NHSL1: variants seen among roughly 807,000 people sequenced by gnomAD.
The protein encoded by NHSL1 is NHS-like protein 1.
A neutral mutation model predicts 95.0 loss-of-function variants in NHSL1; 48 were observed. The observed-to-expected ratio is 0.51, with a 90% CI of 0.40 to 0.64. The LOEUF (loss-of-function observed/expected upper bound fraction) is 0.64. NHSL1 is among the 30% of genes least tolerant of loss of function. The pLI is 0.00. For synonymous variants in NHSL1, 783 were observed against 833.9 expected (o/e 0.94, Z 1.05); for missense variants, 1,971 against 2,077.7 (o/e 0.95, Z 1.00).
chr6:138,547,329 T>A (rs1434124716), upstream of NHSL1, among the ~76,000 whole-genome samples: 3 of 146,644 alleles, frequency 2.0e-5, no homozygotes, highest in Non-Finnish European at 3.0e-5. Flanking sequence ...TAGTTAGGAT[T>A]AAAAAAAAAA....
rs957478509 is a variant in NHSL1, at chr6:138,463,984, C to T, written c.339+9322G>A. On this transcript the variant is annotated intron_variant, in intron 3 of 7. Transcript: ENST00000343505. Reference sequence around the variant, plus strand: ...TCCTTCAACAGAAGTGGCTTTGGTTCACTTGATGGCTTCTCAGGACTTAGA... The same window carrying T: ...TCCTTCAACAGAAGTGGCTTTGGTTTACTTGATGGCTTCTCAGGACTTAGA... 6.2e-5 allele frequency: 16 copies of T among 256,622 alleles called. No homozygotes were observed. In the Admixed American group the frequency reaches 6.9e-4, roughly 11 times the overall value. The allele number at this position is 256,622 out of a possible 1,614,324, so 15.9% of individuals were successfully genotyped here.
intron 1 of NHSL1, among the ~76,000 whole-genome samples, chr6:138,630,257 C>G (rs1035270934): frequency 3.2e-4 from 48 of 152,034 alleles, no homozygotes; most frequent in African/African-American, 1.1e-3. Context: ...GCCTTGTAAA[C>G]TACATACGTT....
chr6:138,521,713 T>C (rs565889792), intron 1 of NHSL1, among the ~76,000 whole-genome samples: 35 of 152,142 alleles, frequency 2.3e-4, no homozygotes, highest in African/African-American at 8.0e-4. Flanking sequence ...GGTGGTGCTA[T>C]TTATTGGGGA....
chr6:138,582,218 A>C (rs1406542201), intron 1 of NHSL1, among the ~76,000 whole-genome samples: 3 of 152,118 alleles, frequency 2.0e-5, no homozygotes, highest in Non-Finnish European at 4.4e-5. Context: ...TAATTTAAAG[A>C]GCAGTTTTTA....
chr6:138,606,431 A>T (rs750362818), intron 1 of NHSL1, among the ~76,000 whole-genome samples: 1 of 152,264 alleles, frequency 6.6e-6, no homozygotes, highest in Non-Finnish European at 1.5e-5. Context: ...TTACAGAATC[A>T]GCAGCAGCTT....
chr6:138,538,121 C>CT (rs1301273359), intron 1 of NHSL1, among the ~76,000 whole-genome samples: 1 of 152,160 alleles, frequency 6.6e-6, no homozygotes, highest in Non-Finnish European at 1.5e-5. Context: ...ATATTGATCT[C>CT]TTTTGCATAA....
At chr6:138,572,056 C>T (rs1193367961) in exon 1 of NHSL1, 19 of 631,266 alleles carry the variant, frequency 3.0e-5, no homozygotes, top group Non-Finnish European at 5.1e-5. Context: ...TCCAAAAAGA[C>T]GGCTTCTGTG....
chr6:138,482,602 T>C (rs1247165319), intron 2 of NHSL1, among the ~76,000 whole-genome samples: 1 of 152,208 alleles, frequency 6.6e-6, no homozygotes, highest in Non-Finnish European at 1.5e-5. Flanking sequence ...GCCATTTTTT[T>C]CTAAACCTCT....
chr6:138,524,209 G>A (rs1487485659), intron 1 of NHSL1, among the ~76,000 whole-genome samples: 2 of 152,166 alleles, frequency 1.3e-5, no homozygotes, highest in Non-Finnish European at 2.9e-5. Context: ...CAAAACAGGG[G>A]TACTGAAAGC....
chr6:138,457,535 T>A (rs943152414), intron 3 of NHSL1, among the ~76,000 whole-genome samples: 2 of 152,214 alleles, frequency 1.3e-5, no homozygotes, highest in African/African-American at 4.8e-5. Flanking sequence ...CTTAAGCACA[T>A]AATGGATTTT....
chr6:138,452,614 A>G (rs1446028139), intron 3 of NHSL1, among the ~76,000 whole-genome samples: 1 of 152,226 alleles, frequency 6.6e-6, no homozygotes, highest in Non-Finnish European at 1.5e-5. Flanking sequence ...AGACAGCCAC[A>G]TACATTCCAG....
intron 1 of NHSL1, among the ~76,000 whole-genome samples, chr6:138,618,369 C>T (rs1362809472): frequency 6.6e-6 from 1 of 152,248 alleles, no homozygotes; most frequent in Non-Finnish European, 1.5e-5. Context: ...TTTAAAACCA[C>T]TGTTTTGAAT....
chr6:138,556,670 A>G (rs1041816135), intron 1 of NHSL1, among the ~76,000 whole-genome samples: 1 of 151,794 alleles, frequency 6.6e-6, no homozygotes, highest in African/African-American at 2.4e-5. Context: ...TAACAAATTC[A>G]TGGAAAACCA....
intron 1 of NHSL1, among the ~76,000 whole-genome samples, chr6:138,589,428 G>T (rs1285612909): frequency 6.6e-6 from 1 of 152,160 alleles, no homozygotes; most frequent in Non-Finnish European, 1.5e-5. Flanking sequence ...CGGGGGCCTG[G>T]CTGGCTTGTG....
At chr6:138,574,210 C>T (rs960771502), upstream of NHSL1, among the ~76,000 whole-genome samples, 1 of 152,190 alleles carries the variant, frequency 6.6e-6, no homozygotes, top group African/African-American at 2.4e-5. Flanking sequence ...GGATTACAGG[C>T]GTGAGCCACC....
chr6:138,687,290 A>AG (rs1562413419), intron 1 of NHSL1, among the ~76,000 whole-genome samples: 6 of 151,976 alleles, frequency 3.9e-5, no homozygotes, highest in South Asian at 2.1e-4. Flanking sequence ...AAAAAAAAAA[A>AG]AAGAAGAAGA....
In NHSL1 at chr6:138,423,993, G is replaced by T; in HGVS notation, c.*88C>A. 1.6e-6 allele frequency: 2 copies of T among 1,245,048 alleles called. No individual in the cohort carries two copies. The highest frequency in any genetic ancestry group is 2.0e-6 in the Non-Finnish European group (2 of 984,402). The allele number at this position is 1,245,048 out of a possible 1,614,324, so 77.1% of individuals were successfully genotyped here. On this transcript the variant is annotated 3_prime_UTR_variant, in exon 8 of 8. Coordinates refer to ENST00000343505, the MANE Select transcript of NHSL1 (RefSeq NM_001144060.2). Reference sequence around the variant, plus strand: ...CAGAAGCAGAGTGGGCTCCCCGGGTGAGCCAGGGAAGGGCGCCTAGCAGGC... The same window carrying T: ...CAGAAGCAGAGTGGGCTCCCCGGGTTAGCCAGGGAAGGGCGCCTAGCAGGC...
Position 138,430,718 on chromosome 6 carries a change from C to T in NHSL1, c.3627G>A (p.Gln1209=). The T allele has an allele frequency of 6.4e-7, 1 of 1,551,776 alleles. No homozygotes were observed. The highest frequency in any genetic ancestry group is 1.4e-5 in the African/African-American group (1 of 73,184). Residue 1209 remains glutamine (Q), a synonymous_variant, in exon 6 of 8, where the codon CAG becomes CAA. Coordinates refer to ENST00000343505, the MANE Select transcript of NHSL1 (RefSeq NM_001144060.2). The surrounding 1 kb of genome is among the most constrained non-coding windows in gnomAD (Gnocchi z 4.7). The part of the protein sequence containing the change: ...PKLFLVVPPP[Q]KDFAVEPAEN... ...CTGCGGGCTCCACTGCAAAATCTTT[C>T]TGCGGAGGTGGTACCACCAGGAACA...
chr6:138,511,959 C>G (rs1781252543), intron 1 of NHSL1, among the ~76,000 whole-genome samples: 1 of 152,178 alleles, frequency 6.6e-6, no homozygotes, highest in African/African-American at 2.4e-5. Flanking sequence ...CAATGCCAAG[C>G]AGTTTTTCCA....
Sources: gnomAD v4.1 joint callset for allele counts (sites outside exome capture counted in the v4.1 genomes callset) on GRCh38, gnomAD v4.1.1 for gene constraint, Gnocchi (gnomAD v3.1) non-coding constraint, MANE v1.5 for transcripts, NCBI Gene and HGNC (gene_info 2026-07-23, HGNC 2026-07-21) for gene names.